TOP2B: variants seen among roughly 807,000 people sequenced by gnomAD.
TOP2B encodes DNA topoisomerase 2-beta.
In TOP2B, 51 loss-of-function variants were observed where a neutral mutation model predicts 193.5. The observed-to-expected ratio is 0.26, with a 90% CI of 0.21 to 0.33. TOP2B has a LOEUF of 0.33. TOP2B is among the 10% of genes least tolerant of loss of function. TOP2B has a pLI of 1.00. For missense variants in TOP2B, 1,378 were observed against 1,909.3 expected, an observed-to-expected ratio of 0.72 and a Z score of 5.19; for synonymous variants, 634 against 635.7, an observed-to-expected ratio of 1.00 and a Z score of 0.04.
intron 20 of TOP2B, among the ~76,000 whole-genome samples, chr3:25,623,984 C>T (rs1180354640): frequency 1.3e-5 from 2 of 152,146 alleles, no homozygotes; most frequent in African/African-American, 4.8e-5. Flanking sequence ...TACTTACCTA[C>T]CTGATTTAAT....
chr3:25,604,769 C>T lies in TOP2B; in HGVS notation c.4480G>A (p.Ala1494Thr), dbSNP rs895655528. Reference protein sequence around the residue: ...TDKVPSKTVAAKKGKPSSDTV... With the variant: ...TDKVPSKTVATKKGKPSSDTV... The stretch of plus-strand genomic sequence containing the variant: ...AAATATAAGTACATACCCTTTTTAG[C>T]AGCTACCGTTTTACTTGGAACTTTA... Residue 1494 changes from alanine (A) to threonine (T), a missense_variant, in exon 33 of 36, where the codon GCT (alanine) becomes ACT (threonine). Physicochemically the swap from Ala to Thr is moderately conservative, Grantham distance 58. Transcript: ENST00000264331. 1 of 1,610,826 alleles carries T rather than the reference C, an allele frequency of 6.2e-7. No individual in the cohort carries two copies. The highest frequency in any genetic ancestry group is 8.5e-7 in the Non-Finnish European group (1 of 1,177,708).
intron 33 of TOP2B, among the ~76,000 whole-genome samples, chr3:25,603,065 T>C (rs1702147851): frequency 1.3e-5 from 2 of 152,144 alleles, no homozygotes; most frequent in African/African-American, 2.4e-5. Flanking sequence ...GCAAGTAGGA[T>C]AGGTACCATG....
At chr3:25,629,974 A>G (rs1702911747) in intron 13 of TOP2B, 55 bp downstream of exon 13, 3 of 1,495,476 alleles carry the variant, frequency 2.0e-6, no homozygotes, top group Non-Finnish European at 2.7e-6. Flanking sequence ...CAAATATTAA[A>G]GGGAGAATCT....
chr3:25,629,467 T>C (rs1228697257), intron 13 of TOP2B, among the ~76,000 whole-genome samples: 2 of 152,082 alleles, frequency 1.3e-5, no homozygotes, highest in African/African-American at 4.8e-5. Flanking sequence ...TAATGGGCAA[T>C]GGTAGGGAAA....
intron 27 of TOP2B, among the ~76,000 whole-genome samples, chr3:25,612,924 A>G (rs1240512613): frequency 6.6e-6 from 1 of 152,224 alleles, no homozygotes. Context: ...CTAGTTTCCC[A>G]TTTGTAATAC....
intron 10 of TOP2B, 132 bp downstream of exon 10, chr3:25,632,314 A>G: frequency 1.4e-6 from 1 of 721,360 alleles, no homozygotes; most frequent in East Asian, 2.8e-5. Context: ...TAAGCATATT[A>G]GTTTGTAGTG....
At chr3:25,653,908 C>T (rs1028563234) in intron 1 of TOP2B, among the ~76,000 whole-genome samples, 1 of 152,164 alleles carries the variant, frequency 6.6e-6, no homozygotes, top group African/African-American at 2.4e-5. Flanking sequence ...ATTCAACACA[C>T]TTTCCTGATA....
chr3:25,636,346 A>G (rs894337464), intron 6 of TOP2B, among the ~76,000 whole-genome samples, 198 bp from the exon 7 acceptor site: 4 of 152,162 alleles, frequency 2.6e-5, no homozygotes, highest in African/African-American at 9.6e-5. Context: ...CACAGGTTCT[A>G]CATTTGCAGA....
intron 18 of TOP2B, among the ~76,000 whole-genome samples, chr3:25,625,592 T>G (rs948779426): frequency 6.6e-6 from 1 of 152,198 alleles, no homozygotes; most frequent in Non-Finnish European, 1.5e-5. Context: ...TTATTTTTGT[T>G]TTTTGTTTGT....
chr3:25,622,560 A>T (rs2125367592), intron 21 of TOP2B, among the ~76,000 whole-genome samples: 1 of 152,120 alleles, frequency 6.6e-6, no homozygotes, highest in South Asian at 2.1e-4. Flanking sequence ...ATGGGGAGGA[A>T]GGAAGGACAT....
chr3:25,611,006 C>G (rs1184862361), intron 28 of TOP2B, among the ~76,000 whole-genome samples: 3 of 152,110 alleles, frequency 2.0e-5, no homozygotes, highest in Non-Finnish European at 4.4e-5. Flanking sequence ...GTGTCATTAA[C>G]TGGGATAAGG....
chr3:25,624,365 A>C lies in TOP2B; in HGVS notation c.2427T>G (p.Gly809=). The change falls in exon 20 of 36, where the codon GGT becomes GGG. Residue 809 remains glycine, a synonymous_variant. Transcript: ENST00000264331. ...SNNINLLQPI[G]QFGTRLHGGK... The stretch of plus-strand genomic sequence containing the variant: ...CACCATGAAGCCGAGTTCCAAACTG[A>C]CCAATAGGCTGAAGCAAGTTAATGT... 1 of 1,613,934 alleles carries C rather than the reference A, an allele frequency of 6.2e-7. No individual in the cohort carries two copies. The highest frequency in any genetic ancestry group is 8.5e-7 in the Non-Finnish European group (1 of 1,179,854).
In TOP2B at chr3:25,664,434, G is replaced by T; in HGVS notation, c.-137C>A. On this transcript the variant is annotated 5_prime_UTR_variant, in exon 1 of 36. Transcript: ENST00000264331. ...GCCGCGCCGACCCCCGCGCCCCATC[G>T]CGAAGATCCGGAGCGGACGTCCAGC... 1 of 1,262,930 alleles carries T rather than the reference G, an allele frequency of 7.9e-7. No homozygotes were observed. The highest frequency in any genetic ancestry group is 9.9e-7 in the Non-Finnish European group (1 of 1,008,478). 78.2% of individuals were successfully genotyped at this position (1,262,930 alleles called of 1,614,324 possible).
chr3:25,643,790 T>C lies in TOP2B; in HGVS notation c.241-6A>G, dbSNP rs1703331368. ...TCATCATACACCCACATGAACTGCA[T>C]TGAAAAATTCAAAAAAAATTTTACT... On this transcript the variant is annotated splice_region_variant and splice_polypyrimidine_tract_variant and intron_variant, in intron 2 of 35. Transcript: ENST00000264331. 1 of 1,610,844 alleles carries C rather than the reference T, an allele frequency of 6.2e-7. No homozygotes were observed.
intron 4 of TOP2B, among the ~76,000 whole-genome samples, chr3:25,641,567 A>G (rs893013303): frequency 2.0e-5 from 3 of 152,138 alleles, no homozygotes; most frequent in African/African-American, 7.2e-5. Flanking sequence ...CAGCACAGTT[A>G]TATGGTAACA....
chr3:25,646,900 A>G (rs533859805), intron 1 of TOP2B, among the ~76,000 whole-genome samples: 1 of 152,346 alleles, frequency 6.6e-6, no homozygotes, highest in South Asian at 2.1e-4. Flanking sequence ...ATATACAATT[A>G]AAGATTTAAT....
At chr3:25,615,106 T>G (rs763731184) in intron 27 of TOP2B, 99 bp downstream of exon 27, 1 of 1,038,278 alleles carries the variant, frequency 9.6e-7, no homozygotes, top group South Asian at 1.7e-5. Context: ...ATATTAACCT[T>G]CACAGAGTTA....
chr3:25,617,289 C>T (rs1702528589), intron 25 of TOP2B, among the ~76,000 whole-genome samples: 2 of 151,966 alleles, frequency 1.3e-5, no homozygotes, highest in South Asian at 4.1e-4. Flanking sequence ...GTTGTAGAAA[C>T]CATAATTTGG....
intron 34 of TOP2B, among the ~76,000 whole-genome samples, chr3:25,600,342 C>A (rs1379034391): frequency 6.6e-6 from 1 of 152,166 alleles, no homozygotes; most frequent in Non-Finnish European, 1.5e-5. Flanking sequence ...CTTGGGATGT[C>A]ATATTTGATC....
Sources: allele counts gnomAD v4.1 joint callset (sites outside exome capture counted in the v4.1 genomes callset), GRCh38; gene constraint gnomAD v4.1.1; transcripts MANE v1.5; gene names NCBI Gene and HGNC (gene_info 2026-07-23, HGNC 2026-07-21).